The following RIMS2 variants were observed in gnomAD, a reference collection of about 807,000 sequenced individuals.
RIMS2 encodes regulating synaptic membrane exocytosis protein 2.
Under a neutral mutation model 174.4 loss-of-function variants are expected in RIMS2, and 59 were observed. The ratio of observed to expected loss-of-function variants is 0.34; its 90% CI spans 0.27 to 0.42. The LOEUF is 0.42. RIMS2 is among the 10% of genes least tolerant of loss of function. RIMS2 has a pLI of 1.00. For missense variants in RIMS2, 1,620 were observed against 1,666.3 expected (o/e 0.97, Z 0.48); for synonymous variants, 606 against 572.5 (o/e 1.06, Z -0.84).
rs2094223335 is a variant in RIMS2, at chr8:103,984,935, C to T, written c.2928-4370C>T. On this transcript the variant is annotated intron_variant, in intron 16 of 23. Coordinates refer to ENST00000504942, the Ensembl canonical transcript of RIMS2. ...TATATCAAGTGAAATAAGCCAGGCA[C>T]AGAAACACAAACATTGCATGTTGTC... 5.9e-5 allele frequency among the ~76,000 whole-genome samples: 9 copies of T among 152,062 alleles called. 1 individual carries two copies. The highest frequency in any genetic ancestry group is 5.9e-4 in the Admixed American group (9 of 15,262).
chr8:103,910,005 T>C, intron 4 of RIMS2: 1 of 538,390 alleles, frequency 1.9e-6, no homozygotes. Flanking sequence ...TATATATATA[T>C]ATAGTGAGTG....
intron 1 of RIMS2, among the ~76,000 whole-genome samples, chr8:103,621,723 G>A (rs1266049046): frequency 2.6e-5 from 4 of 152,202 alleles, no homozygotes; most frequent in Non-Finnish European, 5.9e-5. Context: ...TTTATCTCTG[G>A]GACCCACAAT....
At chr8:103,955,895 C>G (rs2087019573) in intron 14 of RIMS2, among the ~76,000 whole-genome samples, 1 of 152,206 alleles carries the variant, frequency 6.6e-6, no homozygotes, top group Admixed American at 6.5e-5. Context: ...TAAGCAACTT[C>G]AGCAAAGTCT....
At chr8:104,094,369 G>A (rs2097716854) in intron 19 of RIMS2, 1 of 557,466 alleles carries the variant, frequency 1.8e-6, no homozygotes, top group African/African-American at 1.9e-5. Flanking sequence ...TTTTACTTAT[G>A]TTTTGATAGT....
chr8:103,785,414 G>A (rs1394959255), intron 3 of RIMS2, among the ~76,000 whole-genome samples: 1 of 151,342 alleles, frequency 6.6e-6, no homozygotes, highest in Non-Finnish European at 1.5e-5. Flanking sequence ...GTTTGTCATA[G>A]ATAGCTCTTC....
chr8:103,708,556 G>A (rs1171401939), intron 2 of RIMS2, among the ~76,000 whole-genome samples: 1 of 152,018 alleles, frequency 6.6e-6, no homozygotes, highest in Non-Finnish European at 1.5e-5. Context: ...TTCTTGCCAG[G>A]GACATGATCA....
At chr8:103,888,355 C>T (rs952327982) in intron 4 of RIMS2, among the ~76,000 whole-genome samples, 36 of 151,382 alleles carry the variant, frequency 2.4e-4, no homozygotes, top group Admixed American at 3.3e-4. Flanking sequence ...GAGCAACTAT[C>T]GATCTTAATT....
chr8:103,850,159 T>A (rs1244731031), intron 3 of RIMS2, among the ~76,000 whole-genome samples: 1 of 152,030 alleles, frequency 6.6e-6, no homozygotes, highest in African/African-American at 2.4e-5. Context: ...TCATTCTTTA[T>A]AATTTAAGGT....
intron 1 of RIMS2, among the ~76,000 whole-genome samples, chr8:103,684,891 C>T (rs1177025714): frequency 6.6e-6 from 1 of 152,018 alleles, no homozygotes; most frequent in Non-Finnish European, 1.5e-5. Context: ...CTGGCACATA[C>T]TTTTTATATC....
At chr8:103,611,770 C>G (rs2095374058) in intron 1 of RIMS2, among the ~76,000 whole-genome samples, 1 of 151,710 alleles carries the variant, frequency 6.6e-6, no homozygotes, top group African/African-American at 2.4e-5. Flanking sequence ...TGGGTTAAAT[C>G]TGCTTGGTGT....
intron 19 of RIMS2, among the ~76,000 whole-genome samples, chr8:104,117,138 C>G (rs927471632): frequency 3.3e-5 from 5 of 151,810 alleles, no homozygotes; most frequent in Non-Finnish European, 7.4e-5. Flanking sequence ...CACTGGAACC[C>G]AAGAGTTTGA....
chr8:104,025,543 C>T (rs923542564), intron 19 of RIMS2, among the ~76,000 whole-genome samples: 3 of 152,074 alleles, frequency 2.0e-5, no homozygotes, highest in African/African-American at 4.8e-5. Flanking sequence ...TGAAACGATA[C>T]TTGTTGCATA....
At chr8:103,692,762 A>G (rs897947723) in intron 1 of RIMS2, among the ~76,000 whole-genome samples, 4 of 152,092 alleles carry the variant, frequency 2.6e-5, no homozygotes, top group African/African-American at 9.7e-5. Flanking sequence ...CTGGTATCCA[A>G]GGTGCCAGAC....
At chr8:103,576,841 A>G (rs1319939963) in intron 1 of RIMS2, among the ~76,000 whole-genome samples, 1 of 152,232 alleles carries the variant, frequency 6.6e-6, no homozygotes, top group Admixed American at 6.5e-5. Flanking sequence ...TCCCTATTTA[A>G]TCAATGGTGT....
intron 10 of RIMS2, among the ~76,000 whole-genome samples, chr8:103,926,362 A>C (rs1029955171): frequency 5.9e-5 from 9 of 151,542 alleles, no homozygotes; most frequent in Admixed American, 5.9e-4. Flanking sequence ...TCAGTAACAC[A>C]CTCCACATCT....
intron 1 of RIMS2, among the ~76,000 whole-genome samples, chr8:103,687,060 A>T (rs1056103659): frequency 6.6e-6 from 1 of 152,202 alleles, no homozygotes. Context: ...GCATTCACCA[A>T]TGAAACCATT....
chr8:103,672,316 T>A (rs2096754778), intron 1 of RIMS2, among the ~76,000 whole-genome samples: 1 of 152,190 alleles, frequency 6.6e-6, no homozygotes, highest in Admixed American at 6.5e-5. Context: ...ATGTTATTTA[T>A]GTATTAATAC....
rs577940764 is a variant in RIMS2, at chr8:104,204,467, C to G, written c.3335-40449C>G. ...GTAGTATTTGCATATGGTGTTCTTC[C>G]TCTGCCTTACAGGGGTGTTGTACAG... On this transcript the variant is annotated intron_variant, in intron 19 of 23. Coordinates refer to ENST00000504942, the Ensembl canonical transcript of RIMS2. 3.9e-5 allele frequency among the ~76,000 whole-genome samples: 6 copies of G among 152,178 alleles called. No homozygotes were observed. The East Asian group carries it at 9.7e-4, about 25-fold the overall frequency.
chr8:104,014,568 G>A, exon 19 of RIMS2: 2 of 1,613,190 alleles, frequency 1.2e-6, no homozygotes, highest in African/African-American at 1.3e-5. Context: ...GCAGGACGAA[G>A]GGGCCGACAG....
Sources: gnomAD v4.1 joint callset for allele counts (sites outside exome capture counted in the v4.1 genomes callset) on GRCh38, gnomAD v4.1.1 for gene constraint, MANE v1.5 for transcripts, NCBI Gene and HGNC (gene_info 2026-07-23, HGNC 2026-07-21) for gene names.